The following MTMR7 variants were observed in gnomAD, a reference collection of about 807,000 sequenced individuals.
MTMR7 encodes myotubularin related protein 7.
In MTMR7, 76 loss-of-function variants were observed where a neutral mutation model predicts 81.2. The ratio of observed to expected loss-of-function variants is 0.94; its 90% CI spans 0.78 to 1.13. The LOEUF is 1.13. MTMR7 is among the 50% of genes most tolerant of loss of function. The probability of loss-of-function intolerance (pLI) is 0.00; values close to 1 mark genes in which losing one functional copy is unlikely to be tolerated. For synonymous variants in MTMR7, 372 were observed against 289.8 expected (o/e 1.28, Z -2.88); for missense variants, 1,044 against 820.0 (o/e 1.27, Z -3.34).
intron 7 of MTMR7, among the ~76,000 whole-genome samples, chr8:17,317,189 G>A (rs1316329832): frequency 2.0e-5 from 3 of 152,132 alleles, no homozygotes; most frequent in East Asian, 3.9e-4. Flanking sequence ...TCAGTTTTCT[G>A]CTAATTTTTG....
At chr8:17,411,364 C>A (rs1821729439) in intron 1 of MTMR7, among the ~76,000 whole-genome samples, 2 of 152,118 alleles carry the variant, frequency 1.3e-5, no homozygotes, top group African/African-American at 4.8e-5. Context: ...CTTCAGTCTC[C>A]CTCTCTACCC....
chr8:17,387,676 C>T (rs1337734993), intron 1 of MTMR7, among the ~76,000 whole-genome samples: 1 of 152,176 alleles, frequency 6.6e-6, no homozygotes, highest in African/African-American at 2.4e-5. Flanking sequence ...ACTTGATACA[C>T]ACATTTCTAC....
At chr8:17,378,685 T>C (rs1398815085) in intron 1 of MTMR7, among the ~76,000 whole-genome samples, 1 of 152,244 alleles carries the variant, frequency 6.6e-6, no homozygotes, top group Non-Finnish European at 1.5e-5. Context: ...ATGCAAAAGA[T>C]ATTACACTAT....
chr8:17,311,914 A>C (rs1201572817), intron 8 of MTMR7: 1 of 331,210 alleles, frequency 3.0e-6, no homozygotes, highest in Non-Finnish European at 5.6e-6. Flanking sequence ...CGTCCTATGC[A>C]AACGGACCTT....
intron 1 of MTMR7, among the ~76,000 whole-genome samples, chr8:17,395,889 T>A (rs190620326): frequency 2.6e-5 from 4 of 152,272 alleles, no homozygotes; most frequent in African/African-American, 9.6e-5. Flanking sequence ...TCTTTCACAT[T>A]ACAAAGGAGC....
Position 17,297,270 on chromosome 8 carries a change from AAATC to A in MTMR7, c.*2588_*2591del, listed in dbSNP as rs569171936. 9.2e-5 allele frequency: 14 copies of A among 152,272 alleles called. No homozygotes were observed. Among genetic ancestry groups the A allele is most frequent in the South Asian group, 2.1e-4 (1 of 4,828 alleles). The allele number at this position is 152,272 out of a possible 1,614,324, so 9.4% of individuals were successfully genotyped here. A position where few individuals can be genotyped will look rare whatever the true frequency, so the allele number is the denominator to read the frequency against. ...ATATCTTAAAATAGAAGAAAATTCT[AAATC>A]AATCAATCAGTGAGATATAAACTAA... On this transcript the variant is annotated 3_prime_UTR_variant, in exon 14 of 14. Transcript: ENST00000180173.
intron 1 of MTMR7, among the ~76,000 whole-genome samples, chr8:17,386,679 A>G (rs1820953796): frequency 6.6e-6 from 1 of 152,100 alleles, no homozygotes; most frequent in Non-Finnish European, 1.5e-5. Context: ...ATCTCCTGCC[A>G]CATCCATGGC....
rs185600557 is a variant in MTMR7 at position 17,347,265 on chromosome 8, A to G, written c.597+1688T>C. Among the ~76,000 whole-genome samples, 20 of 152,302 alleles carry G rather than the reference A, an allele frequency of 1.3e-4. No homozygotes were observed. The East Asian group carries it at 2.7e-3, about 21-fold the overall frequency. ...GCTCCAGCTCTGTGCAAGCTGAAAT[A>G]CATTCAGAGTTAATAAAATACTTTA... is the stretch of plus-strand genomic sequence containing the variant. On this transcript the variant is annotated intron_variant, in intron 5 of 13. Transcript: ENST00000180173.
At chr8:17,331,051 A>AC in intron 7 of MTMR7, 99 bp downstream of exon 7, 1 of 1,385,432 alleles carries the variant, frequency 7.2e-7, no homozygotes, top group Middle Eastern at 1.8e-4. Flanking sequence ...AAATTATCAC[A>AC]CCTATGTAAA....
intron 1 of MTMR7, among the ~76,000 whole-genome samples, chr8:17,376,429 C>T (rs892869682): frequency 3.9e-5 from 6 of 152,188 alleles, no homozygotes; most frequent in Non-Finnish European, 8.8e-5. Flanking sequence ...TGGACATATG[C>T]TTTCATTTAT....
intron 4 of MTMR7, among the ~76,000 whole-genome samples, chr8:17,352,747 T>C (rs1424057093): frequency 2.6e-5 from 4 of 152,158 alleles, no homozygotes; most frequent in Admixed American, 2.0e-4. Context: ...TAACTCACAA[T>C]TGTTAGGATG....
chr8:17,412,526 G>A (rs561023901), intron 1 of MTMR7, among the ~76,000 whole-genome samples: 1 of 152,318 alleles, frequency 6.6e-6, no homozygotes, highest in African/African-American at 2.4e-5. Context: ...TGAGGAGGAA[G>A]ATTTGGTACA....
At chr8:17,332,721 C>T (rs564923861) in intron 6 of MTMR7, among the ~76,000 whole-genome samples, 5 of 152,288 alleles carry the variant, frequency 3.3e-5, no homozygotes, top group African/African-American at 9.6e-5. Flanking sequence ...AAGTCAGAGA[C>T]CCTCTGTGCA....
chr8:17,329,177 C>T (rs1018094038), intron 7 of MTMR7, among the ~76,000 whole-genome samples: 3 of 151,968 alleles, frequency 2.0e-5, no homozygotes, highest in Admixed American at 2.0e-4. Flanking sequence ...GTAGTATGAG[C>T]CTTCATATCT....
chr8:17,366,054 G>C (rs74890974), intron 3 of MTMR7, among the ~76,000 whole-genome samples: 1,546 of 152,148 alleles, frequency 0.01, 35 homozygotes, highest in African/African-American at 0.035. Flanking sequence ...TGCTCTCCTC[G>C]GCTCCTTCAC....
intron 4 of MTMR7, among the ~76,000 whole-genome samples, chr8:17,358,294 A>C (rs1384079132): frequency 6.6e-6 from 1 of 152,182 alleles, no homozygotes; most frequent in African/African-American, 2.4e-5. Flanking sequence ...TAGAATTCAA[A>C]GTTTAAATAA....
At chr8:17,321,451 G>C (rs1308076734) in intron 7 of MTMR7, among the ~76,000 whole-genome samples, 3 of 152,190 alleles carry the variant, frequency 2.0e-5, no homozygotes. Flanking sequence ...AACCCCACCA[G>C]TTTCTCAAGC....
intron 6 of MTMR7, among the ~76,000 whole-genome samples, chr8:17,333,893 C>T (rs1819135693): frequency 6.6e-6 from 1 of 151,916 alleles, no homozygotes; most frequent in South Asian, 2.1e-4. Context: ...GGAGGGTTAT[C>T]CCAGGCAGAG....
At chr8:17,396,869 A>G (rs1821268187) in intron 1 of MTMR7, among the ~76,000 whole-genome samples, 1 of 151,942 alleles carries the variant, frequency 6.6e-6, no homozygotes, top group African/African-American at 2.4e-5. Context: ...TTGCACCTTC[A>G]TTAACAACTC....
Sources: gnomAD v4.1 joint callset for allele counts (sites outside exome capture counted in the v4.1 genomes callset) on GRCh38, gnomAD v4.1.1 for gene constraint, MANE v1.5 for transcripts, NCBI Gene and HGNC (gene_info 2026-07-23, HGNC 2026-07-21) for gene names.